USP24: variants seen among roughly 807,000 people sequenced by gnomAD.
USP24 encodes the protein ubiquitin specific peptidase 24.
In USP24, 97 loss-of-function variants were observed where a neutral mutation model predicts 361.6. That is an observed-to-expected ratio of 0.27 (90% CI 0.23 to 0.32). The LOEUF is 0.32. Among genes scored for constraint, USP24 ranks in the 10% least tolerant of loss-of-function variants. The pLI is 1.00. For missense variants in USP24, 2,353 were observed against 3,165.6 expected (o/e 0.74, Z 6.16); for synonymous variants, 1,098 against 1,124.6 (o/e 0.98, Z 0.47).
chr1:55,091,298 T>C (rs1480259591), intron 54 of USP24, among the ~76,000 whole-genome samples: 1 of 152,054 alleles, frequency 6.6e-6, no homozygotes, highest in Non-Finnish European at 1.5e-5. Flanking sequence ...CATTAGATTC[T>C]CATAGGAGCA....
chr1:55,156,382 G>GA (rs201845222), intron 12 of USP24, among the ~76,000 whole-genome samples: 2,550 of 151,954 alleles, frequency 0.017, 45 homozygotes, highest in African/African-American at 0.04. Context: ...ACTAAGGCTT[G>GA]AAAAAAACAA....
At chr1:55,164,226 A>G (rs1648588251) in intron 7 of USP24, among the ~76,000 whole-genome samples, 1 of 151,984 alleles carries the variant, frequency 6.6e-6, no homozygotes, top group East Asian at 1.9e-4. Context: ...TAGGTTTAGG[A>G]GAAAAAGAGA....
At chr1:55,152,963 G>C (rs1201886282) in intron 16 of USP24, among the ~76,000 whole-genome samples, 2 of 152,108 alleles carry the variant, frequency 1.3e-5, no homozygotes, top group East Asian at 3.8e-4. Flanking sequence ...CTTAACAAAA[G>C]CCAAGGAATA....
chr1:55,194,349 T>A (rs1644363308), intron 1 of USP24, among the ~76,000 whole-genome samples: 1 of 152,176 alleles, frequency 6.6e-6, no homozygotes, highest in South Asian at 2.1e-4. Context: ...TTTTCCTCAA[T>A]GAGAAAGAGA....
chr1:55,146,782 A>G (rs1647040256), intron 19 of USP24, 147 bp downstream of exon 19: 1 of 834,548 alleles, frequency 1.2e-6, no homozygotes, highest in African/African-American at 1.8e-5. Context: ...TATGTTATAT[A>G]AAACATTTTT....
intron 6 of USP24, among the ~76,000 whole-genome samples, chr1:55,166,246 T>A (rs1648843157): frequency 6.6e-6 from 1 of 151,610 alleles, no homozygotes. Context: ...TTTAAAATAT[T>A]ATATATTAAT....
At position 55,101,841 on chromosome 1, in the gene USP24, C is replaced by A. The variant is rs190079750; in HGVS notation, c.5026-138G>T. 16 of 1,143,052 alleles carry A rather than the reference C, an allele frequency of 1.4e-5. No homozygotes were observed. The South Asian group carries it at 3.3e-4, about 23-fold the overall frequency. The allele number at this position is 1,143,052 out of a possible 1,614,324, so 70.8% of individuals were successfully genotyped here. A position where few individuals can be genotyped will look rare whatever the true frequency, so the allele number is the denominator to read the frequency against. ...TGTTATGAAAGCTATGCTGGCAAAA[C>A]CTATGTTCATGAAGTACCTCTGCAG... On this transcript the variant is annotated intron_variant, in intron 42 of 67. Transcript: ENST00000294383.
At chr1:55,141,508 T>C in intron 24 of USP24, 108 bp downstream of exon 24, 1 of 991,066 alleles carries the variant, frequency 1.0e-6, no homozygotes, top group Non-Finnish European at 1.5e-6. Context: ...GCAAAAATTA[T>C]GATATAAAAT....
At chr1:55,184,392 C>A (rs1332915534) in intron 1 of USP24, among the ~76,000 whole-genome samples, 1 of 152,086 alleles carries the variant, frequency 6.6e-6, no homozygotes, top group African/African-American at 2.4e-5. Flanking sequence ...AAGGTTAATC[C>A]ATCAGGAAGA....
intron 8 of USP24, among the ~76,000 whole-genome samples, chr1:55,161,381 A>AAAAAG (rs533447418): frequency 6.6e-6 from 1 of 151,818 alleles, no homozygotes; most frequent in Non-Finnish European, 1.5e-5. Context: ...GGAAAAAAAA[A>AAAAAG]AAAAGAAAAG....
Position 55,214,865 on chromosome 1 carries a change from G to A in USP24, c.249C>T (p.Pro83=), listed in dbSNP as rs1432181381. Residue 83 remains proline (P), a synonymous_variant, in exon 1 of 68, where the codon CCC becomes CCT. Transcript: ENST00000294383. ...DGGGDGGGGG[P]SRGGSTGGGG... ...CGCCTCCGGTGCTCCCGCCGCGGGA[G>A]GGGCCGCCGCCGCCGCCGTCACCTC... is the stretch of plus-strand genomic sequence containing the variant. 4.7e-5 allele frequency: 57 copies of A among 1,222,916 alleles called. 1 individual carries two copies. The highest frequency in any genetic ancestry group is 1.3e-4 in the Admixed American group (3 of 22,576). 75.8% of individuals were successfully genotyped at this position (1,222,916 alleles called of 1,614,324 possible).
chr1:55,081,240 ACATT>A, intron 59 of USP24, 78 bp downstream of exon 59: 1 of 1,348,422 alleles, frequency 7.4e-7, no homozygotes. Context: ...GAAACAAGAG[ACATT>A]CATTTACTTG....
rs1557627508 is a variant in USP24 at position 55,143,130 on chromosome 1, G to A, written c.2440-11C>T. On this transcript the variant is annotated splice_polypyrimidine_tract_variant and intron_variant, in intron 21 of 67. Transcript: ENST00000294383. ...CAGCTTTTCTACATACTGTTCAAAA[G>A]AAAAAAAATTAAATTATAAAGCATA... is the stretch of plus-strand genomic sequence containing the variant. The A allele has an allele frequency of 1.8e-5, 27 of 1,460,084 alleles. No individual in the cohort carries two copies. Among genetic ancestry groups the A allele is most frequent in the South Asian group, 8.8e-5 (6 of 68,554 alleles). 90.4% of individuals were successfully genotyped at this position (1,460,084 alleles called of 1,614,324 possible). A position where few individuals can be genotyped will look rare whatever the true frequency, so the allele number is the denominator to read the frequency against.
chr1:55,094,296 A>G (rs1020987669), intron 51 of USP24, among the ~76,000 whole-genome samples: 2 of 152,208 alleles, frequency 1.3e-5, no homozygotes, highest in African/African-American at 4.8e-5. Context: ...TAGTTGGGAG[A>G]ACTGATTGAC....
intron 38 of USP24, among the ~76,000 whole-genome samples, chr1:55,115,213 T>C (rs911669494): frequency 1.3e-5 from 2 of 152,028 alleles, no homozygotes; most frequent in Non-Finnish European, 2.9e-5. Context: ...TTACATAGAA[T>C]GGCGATCATT....
At chr1:55,099,572 GAAAAA>G (rs986199893) in intron 45 of USP24, among the ~76,000 whole-genome samples, 194 bp downstream of exon 45, 1 of 151,588 alleles carries the variant, frequency 6.6e-6, no homozygotes, top group South Asian at 2.1e-4. Flanking sequence ...AAAAAGAAAA[GAAAAA>G]AAAGAGAAAA....
At chr1:55,084,884 C>A (rs938850015) in intron 56 of USP24, among the ~76,000 whole-genome samples, 1 of 152,148 alleles carries the variant, frequency 6.6e-6, no homozygotes, top group African/African-American at 2.4e-5. Flanking sequence ...ACGGCCTGAC[C>A]CCATCTCTAG....
intron 58 of USP24, among the ~76,000 whole-genome samples, 198 bp downstream of exon 58, chr1:55,083,070 CTAGT>C (rs1229273312): frequency 3.3e-5 from 5 of 152,232 alleles, no homozygotes; most frequent in African/African-American, 1.2e-4. Context: ...GACTTTGTCA[CTAGT>C]TAGTAATTTC....
At chr1:55,157,625 G>T (rs997926666) in intron 10 of USP24, among the ~76,000 whole-genome samples, 1 of 152,090 alleles carries the variant, frequency 6.6e-6, no homozygotes, top group African/African-American at 2.4e-5. Context: ...TTTAGGTCAG[G>T]AGTTTGAGAC....
Sources: gnomAD v4.1 joint callset for allele counts (sites outside exome capture counted in the v4.1 genomes callset) on GRCh38, gnomAD v4.1.1 for gene constraint, MANE v1.5 for transcripts, NCBI Gene and HGNC (gene_info 2026-07-23, HGNC 2026-07-21) for gene names.